NFIB: variants seen among roughly 807,000 people sequenced by gnomAD.
NFIB encodes nuclear factor I B.
A neutral mutation model predicts 61.5 loss-of-function variants in NFIB; 11 were observed. That is an observed-to-expected ratio of 0.18 (90% CI 0.11 to 0.30). The LOEUF is 0.30. Ranked by LOEUF, NFIB falls within the 10% of genes least tolerant of loss-of-function variation. The pLI, the probability that NFIB is intolerant of heterozygous loss-of-function variation, is 1.00. For missense variants in NFIB, 471 were observed against 608.9 expected, an observed-to-expected ratio of 0.77 and a Z score of 2.38; for synonymous variants, 260 against 216.5, an observed-to-expected ratio of 1.20 and a Z score of -1.76.
chr9:14,109,689 A>T (rs987975779), intron 10 of NFIB, among the ~76,000 whole-genome samples: 1 of 152,128 alleles, frequency 6.6e-6, no homozygotes, highest in Non-Finnish European at 1.5e-5. Context: ...GAGATAAAGA[A>T]AAAGTCTAAA....
the NFIB span, among the ~76,000 whole-genome samples, chr9:14,494,615 T>G: frequency 1.3e-5 from 2 of 152,220 alleles, no homozygotes; most frequent in South Asian, 4.1e-4. Context: ...TTACTTCTTC[T>G]CTTATGGCTA....
chr9:14,472,166 C>T, the NFIB span, among the ~76,000 whole-genome samples: 3 of 152,302 alleles, frequency 2.0e-5, no homozygotes, highest in Admixed American at 6.5e-5. Flanking sequence ...GTGTCCCTTG[C>T]AATATAATTT....
chr9:14,195,050 G>C (rs1461828400), intron 2 of NFIB, among the ~76,000 whole-genome samples: 2 of 151,860 alleles, frequency 1.3e-5, no homozygotes, highest in African/African-American at 4.8e-5. Context: ...TATTCTTCTA[G>C]GCTTGCTTAA....
the NFIB span, among the ~76,000 whole-genome samples, chr9:14,518,055 T>C: frequency 6.6e-6 from 1 of 152,360 alleles, no homozygotes; most frequent in African/African-American, 2.4e-5. Context: ...CAGCATTTGT[T>C]ATAAATACAC....
At chr9:14,245,610 C>G (rs149597220) in intron 2 of NFIB, among the ~76,000 whole-genome samples, 1 of 152,074 alleles carries the variant, frequency 6.6e-6, no homozygotes, top group Non-Finnish European at 1.5e-5. Flanking sequence ...CAGTGGCTCA[C>G]GACTGTAATC....
chr9:14,372,006 G>C (rs763498196), intron 1 of NFIB, among the ~76,000 whole-genome samples: 1 of 152,090 alleles, frequency 6.6e-6, no homozygotes, highest in Non-Finnish European at 1.5e-5. Flanking sequence ...GAGAAGCTGA[G>C]GATGAGCCTC....
the NFIB span, among the ~76,000 whole-genome samples, chr9:14,490,302 T>TAA: frequency 2.0e-5 from 3 of 152,042 alleles, no homozygotes; most frequent in Admixed American, 1.3e-4. Context: ...CATACACATA[T>TAA]AAAAAATCAA....
intron 1 of NFIB, among the ~76,000 whole-genome samples, chr9:14,371,728 G>A (rs1202910194): frequency 1.3e-5 from 2 of 152,186 alleles, no homozygotes; most frequent in African/African-American, 4.8e-5. Flanking sequence ...TCATTTGGTA[G>A]TAGCTACCCC....
At position 14,224,344 on chromosome 9, in the gene NFIB, C is replaced by T. The variant is rs1459239120; in HGVS notation, c.563-44564G>A. On this transcript the variant is annotated intron_variant, in intron 2 of 10. Coordinates refer to ENST00000380953, the MANE Select transcript of NFIB (RefSeq NM_001190737.2). ...GACCATGATGATCTTATCACTAAAA[C>T]ATAACAGCTAAGAACTAAAGAGAAT... Among the ~76,000 whole-genome samples, 6 of 152,162 alleles carry T rather than the reference C, an allele frequency of 3.9e-5. No individual in the cohort carries two copies. In the East Asian group the frequency reaches 9.6e-4, roughly 24 times the overall value.
chr9:14,361,087 C>G (rs564649337), intron 1 of NFIB, among the ~76,000 whole-genome samples: 1 of 151,904 alleles, frequency 6.6e-6, no homozygotes, highest in African/African-American at 2.4e-5. Flanking sequence ...TTTTGTCACC[C>G]ATAATCCTGT....
the NFIB span, among the ~76,000 whole-genome samples, chr9:14,510,647 T>C: frequency 6.6e-6 from 1 of 152,206 alleles, no homozygotes; most frequent in Non-Finnish European, 1.5e-5. Context: ...TTTTTTATTT[T>C]AAAAGTAAGT....
chr9:14,220,467 G>A (rs77229402), intron 2 of NFIB, among the ~76,000 whole-genome samples: 5,311 of 152,214 alleles, frequency 0.035, 302 homozygotes, highest in African/African-American at 0.12. Context: ...TTTACCACAA[G>A]GCAGGATAGT....
At chr9:14,491,947 G>C in the NFIB span, among the ~76,000 whole-genome samples, 1 of 152,134 alleles carries the variant, frequency 6.6e-6, no homozygotes, top group Non-Finnish European at 1.5e-5. Context: ...GCACCTCACA[G>C]TTTATACATC....
chr9:14,293,791 T>C (rs927512704), intron 2 of NFIB, among the ~76,000 whole-genome samples: 1 of 152,212 alleles, frequency 6.6e-6, no homozygotes, highest in African/African-American at 2.4e-5. Context: ...TTCCGTTTCA[T>C]ATTGCATATA....
chr9:14,233,631 T>C (rs938560577), intron 2 of NFIB, among the ~76,000 whole-genome samples: 3 of 152,126 alleles, frequency 2.0e-5, no homozygotes, highest in Non-Finnish European at 4.4e-5. Flanking sequence ...GGTTTTGCCA[T>C]GTTGGCCAGG....
intron 2 of NFIB, among the ~76,000 whole-genome samples, chr9:14,236,535 T>C (rs1181851007): frequency 6.6e-6 from 1 of 152,218 alleles, no homozygotes; most frequent in African/African-American, 2.4e-5. Context: ...TGTGGAATTG[T>C]AGAGCCACTT....
At chr9:14,173,166 A>G (rs1014125364) in intron 3 of NFIB, among the ~76,000 whole-genome samples, 1 of 152,216 alleles carries the variant, frequency 6.6e-6, no homozygotes, top group African/African-American at 2.4e-5. Context: ...AGCACCTGCT[A>G]TCTGTCAGGT....
intron 2 of NFIB, among the ~76,000 whole-genome samples, chr9:14,230,818 G>A (rs902442117): frequency 2.0e-5 from 3 of 151,962 alleles, no homozygotes; most frequent in African/African-American, 7.3e-5. Flanking sequence ...AGATCAAACT[G>A]GGCCTTTCAC....
In NFIB at chr9:14,387,373, A is replaced by T. The variant is rs55899329; in HGVS notation, c.108+11151T>A. 2.0e-4 allele frequency among the ~76,000 whole-genome samples: 31 copies of T among 152,314 alleles called. 1 individual carries two copies. Among genetic ancestry groups the T allele is most frequent in the Middle Eastern group, 6.8e-3 (2 of 294 alleles). ...AGCCTCACATTTCTCCACTTGAAAC[A>T]TAACTAAAAATTAAAAGCTTTTGAG... On this transcript the variant is annotated intron_variant, in intron 1 of 8. Coordinates refer to the NFIB transcript ENST00000380934.
Sources: allele counts gnomAD v4.1 joint callset (sites outside exome capture counted in the v4.1 genomes callset), GRCh38; gene constraint gnomAD v4.1.1; transcripts MANE v1.5; gene names NCBI Gene and HGNC (gene_info 2026-07-23, HGNC 2026-07-21).